Variants in PHACTR1 observed in about 807,000 individuals in gnomAD.
The protein encoded by PHACTR1 is phosphatase and actin regulator 1.
In PHACTR1, 16 loss-of-function variants were observed where a neutral mutation model predicts 69.2. That is an observed-to-expected ratio of 0.23 (90% CI 0.16 to 0.35). PHACTR1 has a LOEUF of 0.35. PHACTR1 is among the 10% of genes least tolerant of loss of function. The probability of loss-of-function intolerance (pLI) is 1.00; values close to 1 mark genes in which losing one functional copy is unlikely to be tolerated. For synonymous variants in PHACTR1, 312 were observed against 284.5 expected (o/e 1.10, Z -0.97); for missense variants, 510 against 734.7 (o/e 0.69, Z 3.54).
intron 7 of PHACTR1, among the ~76,000 whole-genome samples, chr6:13,184,227 T>C (rs1762548701): frequency 6.6e-6 from 1 of 152,170 alleles, no homozygotes; most frequent in African/African-American, 2.4e-5. Context: ...CTATGAGGTG[T>C]CAGCGTTCCA....
Position 13,287,410 on chromosome 6 carries a change from C to T in PHACTR1, c.*332C>T, listed in dbSNP as rs548749225. ...CTCCAGCCAGGCCCAGCAGGCACTA[C>T]CTTCATGAAGTCTCCAGCAAACCTC... is the stretch of plus-strand genomic sequence containing the variant. On this transcript the variant is annotated 3_prime_UTR_variant, in exon 15 of 15. Transcript: ENST00000332995. 5 of 343,222 alleles carry T rather than the reference C, an allele frequency of 1.5e-5. No individual in the cohort carries two copies. The Admixed American group carries it at 2.6e-4, about 18-fold the overall frequency. 21.3% of individuals were successfully genotyped at this position (343,222 alleles called of 1,614,324 possible).
At chr6:12,777,451 G>T (rs1205011178) in intron 4 of PHACTR1, among the ~76,000 whole-genome samples, 1 of 151,722 alleles carries the variant, frequency 6.6e-6, no homozygotes, top group Non-Finnish European at 1.5e-5. Flanking sequence ...GGTGTACTCA[G>T]TGTTTAGCTC....
At chr6:12,818,829 C>A (rs1361320155) in intron 4 of PHACTR1, among the ~76,000 whole-genome samples, 1 of 152,160 alleles carries the variant, frequency 6.6e-6, no homozygotes, top group Non-Finnish European at 1.5e-5. Context: ...ACAGATTGGT[C>A]CAGAACTCTC....
chr6:13,107,953 T>C (rs1218354059), intron 5 of PHACTR1, among the ~76,000 whole-genome samples: 1 of 152,098 alleles, frequency 6.6e-6, no homozygotes, highest in African/African-American at 2.4e-5. Context: ...ATTTCGCTTC[T>C]TCCATTTCTT....
intron 4 of PHACTR1, among the ~76,000 whole-genome samples, chr6:12,942,553 G>C (rs1262522110): frequency 6.6e-6 from 1 of 152,146 alleles, no homozygotes; most frequent in African/African-American, 2.4e-5. Flanking sequence ...CAGTCACTTG[G>C]GAGGCCGAGA....
chr6:13,059,713 A>G (rs1336824319), intron 5 of PHACTR1, among the ~76,000 whole-genome samples: 2 of 152,162 alleles, frequency 1.3e-5, no homozygotes, highest in African/African-American at 4.8e-5. Flanking sequence ...ATGTTGGTTT[A>G]TGGTGGTGGC....
At chr6:12,785,878 A>G (rs1485582350) in intron 4 of PHACTR1, among the ~76,000 whole-genome samples, 1 of 152,158 alleles carries the variant, frequency 6.6e-6, no homozygotes, top group Non-Finnish European at 1.5e-5. Flanking sequence ...GAGTGTGTCC[A>G]CTGAATGTAC....
intron 7 of PHACTR1, chr6:13,185,127 T>G: frequency 1.4e-6 from 1 of 726,128 alleles, no homozygotes; most frequent in South Asian, 1.8e-5. Flanking sequence ...CTGTGGGATG[T>G]TTGGGTGTTT....
intron 4 of PHACTR1, among the ~76,000 whole-genome samples, chr6:12,814,326 G>C (rs1210794153): frequency 6.6e-6 from 1 of 152,186 alleles, no homozygotes; most frequent in Non-Finnish European, 1.5e-5. Flanking sequence ...ACCGCCTACT[G>C]TGCCTCAATG....
intron 8 of PHACTR1, among the ~76,000 whole-genome samples, chr6:13,213,008 A>G (rs1309424704): frequency 6.6e-6 from 1 of 152,170 alleles, no homozygotes; most frequent in Admixed American, 6.5e-5. Context: ...CACCTAATAG[A>G]ACATACAGTC....
At chr6:13,044,520 G>A (rs1272542663) in intron 4 of PHACTR1, among the ~76,000 whole-genome samples, 2 of 152,148 alleles carry the variant, frequency 1.3e-5, no homozygotes, top group Admixed American at 6.5e-5. Flanking sequence ...GAGATGCAAT[G>A]CTCTGATTGG....
chr6:12,785,381 C>T (rs1355906443), intron 4 of PHACTR1, among the ~76,000 whole-genome samples: 2 of 152,192 alleles, frequency 1.3e-5, no homozygotes, highest in African/African-American at 2.4e-5. Context: ...ATTAGGTTGA[C>T]ACATACGGAT....
intron 5 of PHACTR1, among the ~76,000 whole-genome samples, chr6:13,112,506 A>G (rs1817200822): frequency 6.6e-6 from 1 of 152,206 alleles, no homozygotes; most frequent in African/African-American, 2.4e-5. Flanking sequence ...CCAGTAGTGT[A>G]TAAGTGTTTC....
At chr6:12,802,741 T>C (rs1456186669) in intron 4 of PHACTR1, among the ~76,000 whole-genome samples, 1 of 152,188 alleles carries the variant, frequency 6.6e-6, no homozygotes, top group Non-Finnish European at 1.5e-5. Context: ...AAATATAAAA[T>C]TTTAAGCTTA....
chr6:12,995,293 G>GA, intron 4 of PHACTR1, among the ~76,000 whole-genome samples: 1 of 149,274 alleles, frequency 6.7e-6, no homozygotes, highest in East Asian at 2.0e-4. Context: ...TAGAGGAAAG[G>GA]AAAAGAAAGA....
chr6:12,996,534 C>A (rs1239675951), intron 4 of PHACTR1, among the ~76,000 whole-genome samples: 1 of 152,128 alleles, frequency 6.6e-6, no homozygotes, highest in East Asian at 1.9e-4. Flanking sequence ...TAAATCACTA[C>A]AATCACTGAA....
intron 3 of PHACTR1, among the ~76,000 whole-genome samples, chr6:12,727,249 G>A (rs524453): frequency 0.69 from 104,753 of 152,100 alleles, 36,807 homozygotes; most frequent in East Asian, 0.95. Flanking sequence ...AAGGCAGATC[G>A]AGAGAAAAAG....
At chr6:12,972,654 CTT>C (rs763016264) in intron 4 of PHACTR1, among the ~76,000 whole-genome samples, 6 of 22,310 alleles carry the variant, frequency 2.7e-4, no homozygotes, top group Non-Finnish European at 6.7e-4. Context: ...TTCTTTCTTT[CTT>C]TTTTTTTTTT....
chr6:12,875,496 C>A (rs1782443761), intron 4 of PHACTR1, among the ~76,000 whole-genome samples: 1 of 152,188 alleles, frequency 6.6e-6, no homozygotes, highest in Non-Finnish European at 1.5e-5. Flanking sequence ...GCCTTTTGAT[C>A]CCAAGTGAAA....
Sources: gnomAD v4.1 joint callset for allele counts (sites outside exome capture counted in the v4.1 genomes callset) on GRCh38, gnomAD v4.1.1 for gene constraint, MANE v1.5 for transcripts, NCBI Gene and HGNC (gene_info 2026-07-23, HGNC 2026-07-21) for gene names.